The following ACSS3 variants were observed in gnomAD, a reference collection of about 807,000 sequenced individuals.
ACSS3 encodes the protein acyl-CoA synthetase short-chain family member 3, mitochondrial.
Under a neutral mutation model 84.2 loss-of-function variants are expected in ACSS3, and 64 were observed. The ratio of observed to expected loss-of-function variants is 0.76; its 90% CI spans 0.62 to 0.94. The LOEUF (loss-of-function observed/expected upper bound fraction) is 0.94. Ranked by LOEUF, ACSS3 falls within the 40% of genes least tolerant of loss-of-function variation. The pLI is 0.00. For synonymous variants in ACSS3, 317 were observed against 310.1 expected, an observed-to-expected ratio of 1.02 and a Z score of -0.23; for missense variants, 815 against 867.6, an observed-to-expected ratio of 0.94 and a Z score of 0.76.
At chr12:81,223,355 C>A (rs958938454) in intron 11 of ACSS3, among the ~76,000 whole-genome samples, 1 of 152,026 alleles carries the variant, frequency 6.6e-6, no homozygotes, top group African/African-American at 2.4e-5. Context: ...TTAACGATGC[C>A]TGTTCACATA....
chr12:81,207,489 A>T (rs1055179312), intron 9 of ACSS3, among the ~76,000 whole-genome samples: 1 of 152,194 alleles, frequency 6.6e-6, no homozygotes, highest in African/African-American at 2.4e-5. Flanking sequence ...CTCAGGACTA[A>T]TTGAAAGCTT....
At chr12:81,185,525 G>A (rs1231737022) in intron 8 of ACSS3, among the ~76,000 whole-genome samples, 1 of 151,316 alleles carries the variant, frequency 6.6e-6, no homozygotes, top group Non-Finnish European at 1.5e-5. Flanking sequence ...AAAAATCAGT[G>A]GCATTTTTCT....
chr12:81,238,829 T>G (rs1036685315), intron 13 of ACSS3, among the ~76,000 whole-genome samples: 1 of 151,630 alleles, frequency 6.6e-6, no homozygotes, highest in Non-Finnish European at 1.5e-5. Flanking sequence ...TATGGTATTT[T>G]CTATTGATTT....
intron 11 of ACSS3, among the ~76,000 whole-genome samples, chr12:81,224,755 C>A (rs2033216937): frequency 6.6e-6 from 1 of 151,828 alleles, no homozygotes; most frequent in South Asian, 2.1e-4. Flanking sequence ...GTGATGAATT[C>A]TTGTACTGTC....
At chr12:81,083,209 G>A (rs954597507) in intron 1 of ACSS3, among the ~76,000 whole-genome samples, 7 of 152,146 alleles carry the variant, frequency 4.6e-5, no homozygotes, top group African/African-American at 7.2e-5. Flanking sequence ...GCAAGCTAAG[G>A]CATTTGCATT....
chr12:81,122,492 A>ACATTTTG (rs2121548827), intron 2 of ACSS3, among the ~76,000 whole-genome samples: 1 of 152,298 alleles, frequency 6.6e-6, no homozygotes, highest in Non-Finnish European at 1.5e-5. Flanking sequence ...ACTTTGTTTC[A>ACATTTTG]CATTTTGCAT....
chr12:81,139,207 C>T lies in ACSS3; in HGVS notation c.722C>T (p.Ala241Val), dbSNP rs747109152. The change falls in exon 4 of 16, where the codon GCG becomes GTG. Residue 241 changes from alanine to valine, a missense_variant. Ala to Val is a moderately conservative substitution (Grantham distance 64). Transcript: ENST00000548058. ...GAGTACGTACCACTTGTAGAAGAAG[C>T]GCTAAAAATAGGACAACACAAACCA... The part of the protein sequence containing the change: ...RVEYVPLVEE[A>V]LKIGQHKPDK... 3.7e-6 allele frequency: 6 copies of T among 1,613,814 alleles called. No individual in the cohort carries two copies. Among genetic ancestry groups the T allele is most frequent in the South Asian group, 2.2e-5 (2 of 91,076 alleles).
At chr12:81,078,575 C>T in intron 1 of ACSS3, 144 bp downstream of exon 1, 1 of 920,382 alleles carries the variant, frequency 1.1e-6, no homozygotes, top group East Asian at 2.6e-5. Context: ...ATTCGTGTTT[C>T]ATTTCAATTT....
chr12:81,186,033 C>T (rs1244061981), intron 8 of ACSS3, among the ~76,000 whole-genome samples: 1 of 151,590 alleles, frequency 6.6e-6, no homozygotes, highest in East Asian at 1.9e-4. Context: ...TGGCACAGGA[C>T]AGAGACCCCA....
intron 2 of ACSS3, among the ~76,000 whole-genome samples, chr12:81,123,719 T>C (rs1000881515): frequency 3.3e-5 from 5 of 152,146 alleles, no homozygotes; most frequent in Non-Finnish European, 5.9e-5. Flanking sequence ...GAACATGCCA[T>C]ATTTGGTTTT....
rs1025441944 is a variant in ACSS3, at chr12:81,123,480, G to GT, written c.457-11328dup. ...CACAATACCTATTTAAATACCACAG[G>GT]TTTTTTTTGAACTTTTATTTTAGGT... is the stretch of plus-strand genomic sequence containing the variant. On this transcript the variant is annotated intron_variant, in intron 2 of 15. Transcript: ENST00000548058. Among the ~76,000 whole-genome samples the GT allele has an allele frequency of 7.2e-5, 11 of 151,838 alleles. No homozygotes were observed. The South Asian group carries it at 1.5e-3, about 20-fold the overall frequency.
chr12:81,247,737 C>T (rs1021324096), intron 13 of ACSS3, among the ~76,000 whole-genome samples: 4 of 152,126 alleles, frequency 2.6e-5, no homozygotes, highest in African/African-American at 9.6e-5. Flanking sequence ...TTACTAGCTC[C>T]TAGCAATATT....
At chr12:81,130,823 T>G (rs1430431526) in intron 2 of ACSS3, among the ~76,000 whole-genome samples, 1 of 152,260 alleles carries the variant, frequency 6.6e-6, no homozygotes, top group African/African-American at 2.4e-5. Flanking sequence ...AAGGAAGGGA[T>G]GCAGTTTCAG....
intron 1 of ACSS3, among the ~76,000 whole-genome samples, chr12:81,096,909 T>C (rs960418948): frequency 8.5e-5 from 13 of 152,178 alleles, no homozygotes; most frequent in African/African-American, 2.7e-4. Flanking sequence ...TTTTCTATTG[T>C]GAAAAGTGCT....
At chr12:81,112,071 C>A (rs1055026139) in intron 2 of ACSS3, among the ~76,000 whole-genome samples, 1 of 152,104 alleles carries the variant, frequency 6.6e-6, no homozygotes, top group Non-Finnish European at 1.5e-5. Context: ...GTTATTCTTA[C>A]GAGGCTGCAT....
At chr12:81,173,880 G>A (rs1456690905) in intron 7 of ACSS3, among the ~76,000 whole-genome samples, 2 of 152,098 alleles carry the variant, frequency 1.3e-5, no homozygotes, top group Non-Finnish European at 2.9e-5. Flanking sequence ...TTCAAGAAAT[G>A]ATCTAAGATT....
At chr12:81,220,605 T>A (rs2033074101) in intron 11 of ACSS3, among the ~76,000 whole-genome samples, 1 of 152,014 alleles carries the variant, frequency 6.6e-6, no homozygotes, top group Non-Finnish European at 1.5e-5. Flanking sequence ...CTCACACCTT[T>A]TGGACTCCCC....
chr12:81,231,279 G>A (rs907646160), intron 12 of ACSS3, 141 bp downstream of exon 12: 42 of 612,468 alleles, frequency 6.9e-5, no homozygotes, highest in Middle Eastern at 4.4e-4. Context: ...AGCTCCCAGG[G>A]ATAAGAATGC....
At chr12:81,149,152 G>T (rs1286992889) in intron 5 of ACSS3, among the ~76,000 whole-genome samples, 1 of 151,936 alleles carries the variant, frequency 6.6e-6, no homozygotes. Context: ...AATGAAGAAG[G>T]TTTGTGTTTT....
Sources: allele counts gnomAD v4.1 joint callset (sites outside exome capture counted in the v4.1 genomes callset), GRCh38; gene constraint gnomAD v4.1.1; transcripts MANE v1.5; gene names NCBI Gene and HGNC (gene_info 2026-07-23, HGNC 2026-07-21).